Variants in ADAMTS17 observed in about 807,000 individuals in gnomAD.
ADAMTS17 encodes A disintegrin and metalloproteinase with thrombospondin motifs 17.
In ADAMTS17, 113 loss-of-function variants were observed where a neutral mutation model predicts 141.5. The ratio of observed to expected loss-of-function variants is 0.80; its 90% CI spans 0.69 to 0.93. The LOEUF (loss-of-function observed/expected upper bound fraction) is 0.93. Ranked by LOEUF, ADAMTS17 falls within the 40% of genes least tolerant of loss-of-function variation. The probability of loss-of-function intolerance (pLI) is 0.00; values close to 1 mark genes in which losing one functional copy is unlikely to be tolerated. For missense variants in ADAMTS17, 1,659 were observed against 1,517.9 expected (o/e 1.09, Z -1.54); for synonymous variants, 768 against 630.6 (o/e 1.22, Z -3.27).
At chr15:100,333,740 G>C (rs1258856147) in intron 2 of ADAMTS17, among the ~76,000 whole-genome samples, 1 of 152,220 alleles carries the variant, frequency 6.6e-6, no homozygotes, top group Non-Finnish European at 1.5e-5. Context: ...GGGGAAGGGA[G>C]ACTCAGGGAA....
At chr15:100,141,446 A>G (rs577019014) in intron 10 of ADAMTS17, among the ~76,000 whole-genome samples, 1 of 152,334 alleles carries the variant, frequency 6.6e-6, no homozygotes, top group East Asian at 1.9e-4. Context: ...AAGTCTCTCA[A>G]AAATGTGCTG....
intron 8 of ADAMTS17, among the ~76,000 whole-genome samples, chr15:100,169,632 C>T (rs1290374388): frequency 6.6e-6 from 1 of 152,152 alleles, no homozygotes; most frequent in Non-Finnish European, 1.5e-5. Flanking sequence ...ATGCAATTGC[C>T]CCCACACTCA....
intron 7 of ADAMTS17, among the ~76,000 whole-genome samples, chr15:100,215,927 G>C (rs2041955456): frequency 6.6e-6 from 1 of 152,106 alleles, no homozygotes; most frequent in Admixed American, 6.6e-5. Flanking sequence ...TACAAGAGCA[G>C]AGCTGACTCG....
intron 15 of ADAMTS17, among the ~76,000 whole-genome samples, chr15:100,080,845 T>A (rs2034684136): frequency 1.3e-5 from 2 of 152,200 alleles, no homozygotes; most frequent in African/African-American, 4.8e-5. Context: ...ATTGGTGTAT[T>A]TCTGGTTGTA....
intron 18 of ADAMTS17, among the ~76,000 whole-genome samples, chr15:100,016,246 G>A (rs997623971): frequency 6.6e-6 from 1 of 152,112 alleles, no homozygotes; most frequent in Admixed American, 6.5e-5. Flanking sequence ...CTATTTCCTT[G>A]AATATTTCTC....
intron 8 of ADAMTS17, among the ~76,000 whole-genome samples, chr15:100,155,567 A>T (rs1223115142): frequency 6.6e-6 from 1 of 152,238 alleles, no homozygotes; most frequent in Non-Finnish European, 1.5e-5. Flanking sequence ...AAATAACAAT[A>T]AATCAACAAA....
chr15:100,259,146 C>T lies in ADAMTS17; in HGVS notation c.1031+2333G>A, dbSNP rs189236303. Among the ~76,000 whole-genome samples, 36 of 152,312 alleles carry T rather than the reference C, an allele frequency of 2.4e-4. No individual in the cohort carries two copies. In the East Asian group the frequency reaches 6.4e-3, roughly 27 times the overall value. ...TGAAAACTCTTCTCAAAGTAGAAAC[C>T]TTGGGAGTTTAGCTGCATATTCCAC... On this transcript the variant is annotated intron_variant, in intron 6 of 21. Transcript: ENST00000268070.
intron 15 of ADAMTS17, among the ~76,000 whole-genome samples, chr15:100,088,005 A>G (rs1285034157): frequency 6.6e-6 from 1 of 152,152 alleles, no homozygotes; most frequent in African/African-American, 2.4e-5. Flanking sequence ...CAGGCAGGAG[A>G]AGGAAATAAA....
intron 15 of ADAMTS17, among the ~76,000 whole-genome samples, chr15:100,076,486 C>T (rs567827803): frequency 4.3e-4 from 66 of 152,260 alleles, no homozygotes; most frequent in African/African-American, 1.5e-3. Context: ...TCCCCTTTAT[C>T]TTTTTCCTAT....
At position 100,152,748 on chromosome 15, in the gene ADAMTS17, G is replaced by A. The variant is rs72755233; in HGVS notation, c.1337C>T (p.Thr446Ile). Residue 446 changes from threonine to isoleucine, a missense_variant, in exon 10 of 22, where the codon ACC becomes ATC. Coordinates refer to ENST00000268070, the MANE Select transcript of ADAMTS17 (RefSeq NM_139057.4). ...TCTGGGGTCCGTGACTAGCAAGCAGGTGCTGACTTTTGACCTGAAACAGCC... is the reference window on the plus strand; with the variant it reads ...TCTGGGGTCCGTGACTAGCAAGCAGATGCTGACTTTTGACCTGAAACAGCC... Reference protein sequence around the residue: ...LENFLKSKVSTCLLVTDPRSQ... With the variant: ...LENFLKSKVSICLLVTDPRSQ... 151,238 of 1,614,112 alleles carry A rather than the reference G, an allele frequency of 0.094. 8,347 individuals carry two copies. The highest frequency in any genetic ancestry group is 0.11 in the Non-Finnish European group (131,444 of 1,180,024).
chr15:100,018,881 G>A (rs750009860), intron 18 of ADAMTS17, among the ~76,000 whole-genome samples: 5 of 152,186 alleles, frequency 3.3e-5, no homozygotes, highest in Non-Finnish European at 7.4e-5. Context: ...TGGGAGAAAT[G>A]TTCTCACACG....
Position 99,997,875 on chromosome 15 carries a change from G to A in ADAMTS17, c.2592-286C>T, listed in dbSNP as rs1478699425. On this transcript the variant is annotated intron_variant, in intron 18 of 21. Coordinates refer to ENST00000268070, the MANE Select transcript of ADAMTS17 (RefSeq NM_139057.4). This position sits in a 1 kb window ranked among gnomAD's most constrained non-coding sequence, Gnocchi z 4.7. Reference sequence around the variant, plus strand: ...TCACGGCCTCCCTGTAGGGAATTACGTATCTGCTTGTCGTCATAGGACCTG... The same window carrying A: ...TCACGGCCTCCCTGTAGGGAATTACATATCTGCTTGTCGTCATAGGACCTG... 1.3e-5 allele frequency among the ~76,000 whole-genome samples: 2 copies of A among 151,984 alleles called. No homozygotes were observed. Among genetic ancestry groups the A allele is most frequent in the Admixed American group, 6.6e-5 (1 of 15,262 alleles).
chr15:100,061,810 T>A (rs1320549729), intron 15 of ADAMTS17, among the ~76,000 whole-genome samples: 1 of 152,170 alleles, frequency 6.6e-6, no homozygotes, highest in Non-Finnish European at 1.5e-5. Context: ...ACTGAGTACC[T>A]CTTGGAATAC....
intron 15 of ADAMTS17, among the ~76,000 whole-genome samples, chr15:100,069,053 C>T (rs901934644): frequency 1.3e-5 from 2 of 152,102 alleles, no homozygotes; most frequent in African/African-American, 4.8e-5. Flanking sequence ...CTTAAAGGAC[C>T]TGAGGGAGCT....
intron 8 of ADAMTS17, among the ~76,000 whole-genome samples, chr15:100,178,882 T>C (rs1035246160): frequency 9.2e-5 from 14 of 152,220 alleles, no homozygotes; most frequent in Non-Finnish European, 4.4e-5. Flanking sequence ...CATTCTGGCC[T>C]CTATGATTTC....
chr15:100,286,642 A>G (rs1033100334), intron 3 of ADAMTS17, among the ~76,000 whole-genome samples: 1 of 151,812 alleles, frequency 6.6e-6, no homozygotes, highest in African/African-American at 2.4e-5. Context: ...CAAATGCCTA[A>G]GGGCATCAAA....
chr15:100,070,545 T>A (rs1351168008), intron 15 of ADAMTS17, among the ~76,000 whole-genome samples: 1 of 150,096 alleles, frequency 6.7e-6, no homozygotes, highest in East Asian at 1.9e-4. Flanking sequence ...AAACTGTCTC[T>A]CAGACCACGG....
intron 4 of ADAMTS17, among the ~76,000 whole-genome samples, chr15:100,274,049 G>T (rs1047543091): frequency 2.6e-5 from 4 of 152,104 alleles, no homozygotes; most frequent in African/African-American, 7.2e-5. Context: ...ATGGTACTTT[G>T]TATAATATCA....
At position 100,133,334 on chromosome 15, in the gene ADAMTS17, A is replaced by G; in HGVS notation, c.1474-19T>C. Reference sequence around the variant, plus strand: ...TTAGATGCTGCAGGACAAGGGAAGGAACCATAATTGTGGAGAACACCCACA... The same window carrying G: ...TTAGATGCTGCAGGACAAGGGAAGGGACCATAATTGTGGAGAACACCCACA... On this transcript the variant is annotated intron_variant, in intron 10 of 21. Coordinates refer to ENST00000268070, the MANE Select transcript of ADAMTS17 (RefSeq NM_139057.4). 2 of 1,564,824 alleles carry G rather than the reference A, an allele frequency of 1.3e-6. No individual in the cohort carries two copies. The highest frequency in any genetic ancestry group is 2.7e-5 in the African/African-American group (2 of 74,178).
Sources: allele counts gnomAD v4.1 joint callset (sites outside exome capture counted in the v4.1 genomes callset), GRCh38; gene constraint gnomAD v4.1.1; non-coding constraint Gnocchi (gnomAD v3.1); transcripts MANE v1.5; gene names NCBI Gene and HGNC (gene_info 2026-07-23, HGNC 2026-07-21).